Variants in TNR observed in about 807,000 individuals in gnomAD.
The protein encoded by TNR is tenascin R.
Under a neutral mutation model 150.4 loss-of-function variants are expected in TNR, and 45 were observed. The ratio of observed to expected loss-of-function variants is 0.30; its 90% CI spans 0.24 to 0.38. TNR has a LOEUF of 0.38. TNR is among the 10% of genes least tolerant of loss of function. TNR has a pLI of 1.00. For synonymous variants in TNR, 687 were observed against 678.4 expected (o/e 1.01, Z -0.20); for missense variants, 1,544 against 1,759.1 (o/e 0.88, Z 2.19).
intron 1 of TNR, among the ~76,000 whole-genome samples, chr1:175,556,334 G>A (rs1193746342): frequency 3.3e-5 from 5 of 152,208 alleles, no homozygotes; most frequent in Non-Finnish European, 7.3e-5. Flanking sequence ...GTCCATGAAG[G>A]ACAAAGCATA....
At chr1:175,732,367 G>C (rs1667664998) in intron 1 of TNR, among the ~76,000 whole-genome samples, 1 of 152,230 alleles carries the variant, frequency 6.6e-6, no homozygotes, top group Admixed American at 6.5e-5. Flanking sequence ...TTTGTGGATA[G>C]ATGAGAATTG....
intron 1 of TNR, among the ~76,000 whole-genome samples, chr1:175,670,443 C>T (rs1173135390): frequency 6.6e-6 from 1 of 152,202 alleles, no homozygotes; most frequent in Non-Finnish European, 1.5e-5. Context: ...ATTTTAATCC[C>T]ATGTTGGCAA....
chr1:175,509,145 G>A (rs1182573226), intron 2 of TNR, among the ~76,000 whole-genome samples: 3 of 152,152 alleles, frequency 2.0e-5, no homozygotes, highest in African/African-American at 7.2e-5. Flanking sequence ...ATTTTGCTGG[G>A]GCAGTTGTTT....
chr1:175,337,572 A>C lies in TNR; in HGVS notation c.3490T>G (p.Leu1164Val). The C allele has an allele frequency of 6.2e-7, 1 of 1,613,982 alleles. No individual in the cohort carries two copies. The highest frequency in any genetic ancestry group is 8.5e-7 in the Non-Finnish European group (1 of 1,180,008). Residue 1164 changes from leucine (L) to valine (V), a missense_variant, in exon 19 of 23, where the codon TTA becomes GTA. This residue lies in a region of TNR where 290 missense variants were observed against 429.7 expected (regional missense o/e 0.67). Transcript: ENST00000367674. ...GTGGTCATATCACAGTACACTTGTA[A>C]TTTCTGGCTCAGCTCCCCATTGAGG... is the stretch of plus-strand genomic sequence containing the variant. ...IFLNGELSQK[L>V]QVYCDMTTDG...
intron 1 of TNR, among the ~76,000 whole-genome samples, chr1:175,737,494 G>T (rs1186398980): frequency 6.6e-6 from 1 of 152,160 alleles, no homozygotes; most frequent in Non-Finnish European, 1.5e-5. Context: ...CCAGGGCCCA[G>T]GAATGTGAAT....
chr1:175,547,240 G>T (rs1439810970), intron 1 of TNR, among the ~76,000 whole-genome samples: 1 of 152,128 alleles, frequency 6.6e-6, no homozygotes, highest in Non-Finnish European at 1.5e-5. Flanking sequence ...CTGCCCCAGT[G>T]TCCTCCACAT....
chr1:175,423,995 T>C (rs1450809236), intron 2 of TNR, among the ~76,000 whole-genome samples: 2 of 152,112 alleles, frequency 1.3e-5, no homozygotes, highest in African/African-American at 2.4e-5. Flanking sequence ...AGTAAGTCTA[T>C]ATTGAAAAAA....
chr1:175,573,913 G>A (rs915181603), intron 1 of TNR, among the ~76,000 whole-genome samples: 9 of 152,190 alleles, frequency 5.9e-5, no homozygotes. Context: ...AATAAGGCTT[G>A]GCATGAGCAA....
At chr1:175,742,417 CTT>C (rs1316606992) in intron 1 of TNR, among the ~76,000 whole-genome samples, 2 of 152,182 alleles carry the variant, frequency 1.3e-5, no homozygotes, top group Non-Finnish European at 2.9e-5. Context: ...GCAGAACAGA[CTT>C]TGTCTTCTTT....
chr1:175,703,896 A>C (rs555002955), intron 1 of TNR, among the ~76,000 whole-genome samples: 1 of 152,338 alleles, frequency 6.6e-6, no homozygotes, highest in Non-Finnish European at 1.5e-5. Context: ...TGTAGGCCCC[A>C]AGACAAGATT....
chr1:175,567,570 A>G (rs963556157), intron 1 of TNR, among the ~76,000 whole-genome samples: 3 of 152,208 alleles, frequency 2.0e-5, no homozygotes, highest in African/African-American at 7.2e-5. Context: ...TGGGAGGAGC[A>G]TCTCTGTTGT....
Position 175,578,756 on chromosome 1 carries a change from C to T in TNR, c.-164-50387G>A, listed in dbSNP as rs572618005. Reference sequence around the variant, plus strand: ...GATTTTGTCACCTCTTCTGCACTCACCATTGAGAAGAATTTAAATGAGAGC... The same window carrying T: ...GATTTTGTCACCTCTTCTGCACTCATCATTGAGAAGAATTTAAATGAGAGC... On this transcript the variant is annotated intron_variant, in intron 1 of 22. Transcript: ENST00000367674. Among the ~76,000 whole-genome samples, 3 of 152,208 alleles carry T rather than the reference C, an allele frequency of 2.0e-5. No homozygotes were observed. The South Asian group carries it at 6.2e-4, about 32-fold the overall frequency.
rs1557868199 is a variant in TNR at position 175,331,095 on chromosome 1, T to TTCTTTCTTTCTTTCTTTCTC, written c.3632-861_3632-860insGAGAAAGAAAGAAAGAAAGA. Among the ~76,000 whole-genome samples, 12 of 132,134 alleles carry TTCTTTCTTTCTTTCTTTCTC rather than the reference T, an allele frequency of 9.1e-5. 1 individual carries two copies. Among genetic ancestry groups the TTCTTTCTTTCTTTCTTTCTC allele is most frequent in the Admixed American group, 3.0e-4 (4 of 13,328 alleles). 86.7% of individuals were successfully genotyped at this position (132,134 alleles called of 152,430 possible). ...TTTCTTTCCTTCTTTCTTTCTTTCT[T>TTCTTTCTTTCTTTCTTTCTC]TCTTTCTCTCTCTCTTTCTTTTCTT... On this transcript the variant is annotated intron_variant, in intron 20 of 22. Coordinates refer to ENST00000367674, the MANE Select transcript of TNR (RefSeq NM_003285.3).
intron 2 of TNR, among the ~76,000 whole-genome samples, chr1:175,453,073 T>G (rs10753106): frequency 0.64 from 96,710 of 151,864 alleles, 31,945 homozygotes; most frequent in East Asian, 0.81. Flanking sequence ...TTAATGCCAG[T>G]GAATTATACA....
chr1:175,616,812 T>C (rs865908455), intron 1 of TNR, among the ~76,000 whole-genome samples: 1 of 152,208 alleles, frequency 6.6e-6, no homozygotes, highest in Non-Finnish European at 1.5e-5. Flanking sequence ...ACCAACCTCC[T>C]GTGTGGCTGA....
intron 8 of TNR, among the ~76,000 whole-genome samples, chr1:175,380,443 C>T (rs541680191): frequency 2.6e-5 from 4 of 152,126 alleles, no homozygotes; most frequent in Non-Finnish European, 4.4e-5. Context: ...AGGTGCCCAG[C>T]GCCTGTAGTC....
At chr1:175,698,242 TA>T (rs1235246366) in intron 1 of TNR, among the ~76,000 whole-genome samples, 1 of 152,060 alleles carries the variant, frequency 6.6e-6, no homozygotes, top group African/African-American at 2.4e-5. Context: ...CTGTGCCAAG[TA>T]AGGAGAATGC....
chr1:175,587,823 T>C, intron 1 of TNR, among the ~76,000 whole-genome samples: 1 of 152,220 alleles, frequency 6.6e-6, no homozygotes, highest in East Asian at 1.9e-4. Context: ...AAGAAAGCCC[T>C]TTTGCTCTAC....
At chr1:175,671,657 G>A (rs1373156559) in intron 1 of TNR, among the ~76,000 whole-genome samples, 1 of 152,010 alleles carries the variant, frequency 6.6e-6, no homozygotes, top group Non-Finnish European at 1.5e-5. Flanking sequence ...AAATTGTGTG[G>A]GATACACTTA....
Sources: allele counts gnomAD v4.1 joint callset (sites outside exome capture counted in the v4.1 genomes callset), GRCh38; gene constraint gnomAD v4.1.1; regional missense constraint gnomAD v4.1.1; transcripts MANE v1.5; gene names NCBI Gene and HGNC (gene_info 2026-07-23, HGNC 2026-07-21).